BCAS3: variants seen among roughly 807,000 people sequenced by gnomAD.
The protein encoded by BCAS3 is BCAS4/BCAS3 fusion.
BCAS3 carries 53 observed loss-of-function variants against 116.1 expected under a neutral mutation model. The ratio of observed to expected loss-of-function variants is 0.46; its 90% CI spans 0.37 to 0.57. BCAS3 has a LOEUF of 0.57. BCAS3 is among the 20% of genes least tolerant of loss of function. The probability of loss-of-function intolerance (pLI) is 0.00; values close to 1 mark genes in which losing one functional copy is unlikely to be tolerated. For synonymous variants in BCAS3, 391 were observed against 408.2 expected (o/e 0.96, Z 0.51); for missense variants, 917 against 1,165.4 (o/e 0.79, Z 3.10).
At chr17:61,304,650 C>T (rs1201544094) in intron 22 of BCAS3, among the ~76,000 whole-genome samples, 2 of 151,778 alleles carry the variant, frequency 1.3e-5, no homozygotes, top group African/African-American at 2.4e-5. Context: ...GAGCTCTGTA[C>T]ACACCTCAAT....
intron 13 of BCAS3, among the ~76,000 whole-genome samples, chr17:60,936,518 CT>C (rs1341212794): frequency 2.6e-5 from 4 of 152,128 alleles, no homozygotes; most frequent in African/African-American, 9.7e-5. Flanking sequence ...TCTCCAGCAC[CT>C]GTTGTTTCCT....
intron 9 of BCAS3, 102 bp from the exon 10 acceptor site, chr17:60,889,593 A>G: frequency 1.1e-6 from 1 of 948,742 alleles, no homozygotes; most frequent in Non-Finnish European, 1.6e-6. Flanking sequence ...ACTTGAAAAA[A>G]TATAAGCATT....
intron 19 of BCAS3, among the ~76,000 whole-genome samples, chr17:61,052,158 C>G (rs1049105238): frequency 6.6e-6 from 1 of 151,932 alleles, no homozygotes; most frequent in African/African-American, 2.4e-5. Context: ...CTGTCACTTT[C>G]CCTTTTTTGG....
intron 15 of BCAS3, among the ~76,000 whole-genome samples, chr17:60,992,098 C>G (rs1168805743): frequency 6.6e-6 from 1 of 151,342 alleles, no homozygotes; most frequent in Non-Finnish European, 1.5e-5. Flanking sequence ...TTGAGTACTT[C>G]TATGTAATTC....
At chr17:61,250,301 T>A (rs1423299187) in intron 22 of BCAS3, among the ~76,000 whole-genome samples, 1 of 152,116 alleles carries the variant, frequency 6.6e-6, no homozygotes, top group Non-Finnish European at 1.5e-5. Flanking sequence ...ATTTTAAACA[T>A]GAGAAGATTT....
intron 22 of BCAS3, among the ~76,000 whole-genome samples, chr17:61,166,387 C>CTT (rs2078496359): frequency 1.3e-5 from 1 of 77,098 alleles, no homozygotes; most frequent in African/African-American, 4.2e-5. Flanking sequence ...CTCTCTCTCT[C>CTT]TCTCTTTTTT....
chr17:60,718,941 A>G (rs989376140), intron 5 of BCAS3, among the ~76,000 whole-genome samples: 4 of 152,158 alleles, frequency 2.6e-5, no homozygotes, highest in Admixed American at 2.6e-4. Context: ...AGGTGCCTGT[A>G]GTCCCAGCTA....
At chr17:61,123,206 G>T (rs1320248237) in intron 22 of BCAS3, among the ~76,000 whole-genome samples, 1 of 151,954 alleles carries the variant, frequency 6.6e-6, no homozygotes, top group Admixed American at 6.6e-5. Context: ...GCCTCCCAAG[G>T]TGCTAGGATT....
chr17:60,936,412 T>C (rs1259107565), intron 13 of BCAS3, among the ~76,000 whole-genome samples: 1 of 152,160 alleles, frequency 6.6e-6, no homozygotes, highest in East Asian at 1.9e-4. Context: ...TTTCTAGTTC[T>C]AGATCCCTGA....
chr17:61,121,636 A>G (rs1172425037), intron 22 of BCAS3, among the ~76,000 whole-genome samples: 2 of 152,232 alleles, frequency 1.3e-5, no homozygotes, highest in African/African-American at 2.4e-5. Context: ...CCTCCAAGTG[A>G]TAGGATTATG....
At chr17:60,825,544 A>AATT (rs551563145) in intron 7 of BCAS3, among the ~76,000 whole-genome samples, 24 of 135,948 alleles carry the variant, frequency 1.8e-4, no homozygotes, top group South Asian at 6.5e-4. Flanking sequence ...ATTTATAAAT[A>AATT]ATTATTTATA....
chr17:61,103,074 A>G (rs986242911), intron 22 of BCAS3, among the ~76,000 whole-genome samples: 3 of 152,132 alleles, frequency 2.0e-5, no homozygotes, highest in Admixed American at 6.5e-5. Context: ...GTGCTTTGGT[A>G]TGAAGATATA....
chr17:60,734,740 G>T (rs896597452), intron 5 of BCAS3, among the ~76,000 whole-genome samples: 1 of 152,186 alleles, frequency 6.6e-6, no homozygotes, highest in African/African-American at 2.4e-5. Flanking sequence ...TTTAAAGTAA[G>T]TCTTGAAATC....
chr17:60,942,922 A>G (rs2145229908), intron 13 of BCAS3, among the ~76,000 whole-genome samples: 1 of 152,314 alleles, frequency 6.6e-6, no homozygotes, highest in South Asian at 2.1e-4. Context: ...ACAACTGAAC[A>G]GGCACATAAA....
intron 22 of BCAS3, among the ~76,000 whole-genome samples, chr17:61,287,142 G>C (rs2051888307): frequency 6.6e-6 from 1 of 151,952 alleles, no homozygotes; most frequent in Admixed American, 6.6e-5. Flanking sequence ...TAGCTACTGG[G>C]GAGGCTGAGG....
At chr17:60,954,366 G>T (rs2061009298) in intron 14 of BCAS3, among the ~76,000 whole-genome samples, 1 of 151,906 alleles carries the variant, frequency 6.6e-6, no homozygotes, top group South Asian at 2.1e-4. Flanking sequence ...GGTTTCATAT[G>T]AATTTTAAAA....
rs764109288 is a variant in BCAS3, at chr17:60,747,235, A to G, written c.359A>G (p.His120Arg). 1.2e-6 allele frequency: 2 copies of G among 1,613,330 alleles called. No individual in the cohort carries two copies. The highest frequency in any genetic ancestry group is 1.7e-6 in the Non-Finnish European group (2 of 1,179,338). Residue 120 changes from histidine (H) to arginine (R), a missense_variant, in exon 6 of 24, where the codon CAT becomes CGT. Physicochemically the swap from His to Arg is conservative, Grantham distance 29. Around this residue, in one of 3 missense-constraint regions of BCAS3, gnomAD observed 807 missense variants for 1,026.0 expected, o/e 0.79. Coordinates refer to ENST00000407086, the MANE Select transcript of BCAS3 (RefSeq NM_017679.5). ...GCACAAGAGCTCTTCTCTGTTCGAC[A>G]TGGCCCAATTCGAGCGGCTAGAATC... Reference protein sequence around the residue: ...GEAQELFSVRHGPIRAARILP... With the variant: ...GEAQELFSVRRGPIRAARILP...
intron 22 of BCAS3, among the ~76,000 whole-genome samples, chr17:61,193,891 C>T (rs778623430): frequency 5.3e-5 from 8 of 149,994 alleles, no homozygotes; most frequent in Admixed American, 2.0e-4. Context: ...CTGAAGTGGG[C>T]GGATTGCTTG....
intron 13 of BCAS3, among the ~76,000 whole-genome samples, chr17:60,938,232 A>G (rs1251998524): frequency 1.3e-5 from 2 of 152,196 alleles, no homozygotes; most frequent in Non-Finnish European, 2.9e-5. Context: ...AAAATAGCCA[A>G]ATCAATCTTG....
Sources: gnomAD v4.1 joint callset for allele counts (sites outside exome capture counted in the v4.1 genomes callset) on GRCh38, gnomAD v4.1.1 for gene constraint, gnomAD v4.1.1 regional missense constraint, MANE v1.5 for transcripts, NCBI Gene and HGNC (gene_info 2026-07-23, HGNC 2026-07-21) for gene names.